NKAIN2: variants seen among roughly 807,000 people sequenced by gnomAD.
The protein encoded by NKAIN2 is sodium/potassium transporting ATPase interacting 2.
Under a neutral mutation model 32.6 loss-of-function variants are expected in NKAIN2, and 14 were observed. The ratio of observed to expected loss-of-function variants is 0.43; its 90% CI spans 0.28 to 0.67. The LOEUF (loss-of-function observed/expected upper bound fraction) is 0.67. Among genes scored for constraint, NKAIN2 ranks in the 30% least tolerant of loss-of-function variants. The pLI, the probability that NKAIN2 is intolerant of heterozygous loss-of-function variation, is 0.17. For missense variants in NKAIN2, 198 were observed against 258.3 expected (o/e 0.77, Z 1.60); for synonymous variants, 80 against 87.2 (o/e 0.92, Z 0.46).
intron 1 of NKAIN2, among the ~76,000 whole-genome samples, chr6:123,901,041 T>C: frequency 6.6e-6 from 1 of 152,188 alleles, no homozygotes; most frequent in East Asian, 1.9e-4. Context: ...CTCTGACCCA[T>C]GTCTTTAGCC....
In NKAIN2 at chr6:124,148,860, A is replaced by C. The variant is rs146591262; in HGVS notation, c.55-134145A>C. Among the ~76,000 whole-genome samples the C allele has an allele frequency of 1.8e-4, 28 of 152,320 alleles. No homozygotes were observed. In the East Asian group the frequency reaches 5.2e-3, roughly 28 times the overall value. ...GAGATTGCTATGGCAACTGTGTTTA[A>C]CAATTTGAGAAGCTGCTAAGCTGTT... On this transcript the variant is annotated intron_variant, in intron 1 of 6. Coordinates refer to ENST00000368417, the MANE Select transcript of NKAIN2 (RefSeq NM_001040214.3).
In NKAIN2 at chr6:124,658,357, G is replaced by T; in HGVS notation, c.445G>T (p.Ala149Ser). 1 of 1,614,102 alleles carries T rather than the reference G, an allele frequency of 6.2e-7. No homozygotes were observed. The highest frequency in any genetic ancestry group is 8.5e-7 in the Non-Finnish European group (1 of 1,179,996). Residue 149 changes from alanine (A) to serine (S), a missense_variant, in exon 4 of 7, where the codon GCT (alanine) becomes TCT (serine). Ala to Ser is a moderately conservative substitution (Grantham distance 99, BLOSUM62 1). Coordinates refer to ENST00000368417, the MANE Select transcript of NKAIN2 (RefSeq NM_001040214.3). ...CLLEYQYIEV[A>S]HSSLQIVLAL... ...GCTGGAGTACCAGTACATAGAAGTG[G>T]CTCATAGTTCCCTCCAGATTGTCCT...
chr6:123,900,531 A>ATTTTTTTTTT (rs1774515956), intron 1 of NKAIN2, among the ~76,000 whole-genome samples: 1 of 23,850 alleles, frequency 4.2e-5, no homozygotes, highest in African/African-American at 7.5e-5. Flanking sequence ...TCTCCAGATT[A>ATTTTTTTTTT]GTTTTTTTTT....
At chr6:124,195,167 A>G (rs1323263054) in intron 1 of NKAIN2, among the ~76,000 whole-genome samples, 1 of 151,810 alleles carries the variant, frequency 6.6e-6, no homozygotes, top group Non-Finnish European at 1.5e-5. Flanking sequence ...TTTATTGTCA[A>G]GGAAGTTTTT....
At chr6:124,505,656 C>T (rs919400610) in intron 3 of NKAIN2, among the ~76,000 whole-genome samples, 6 of 152,144 alleles carry the variant, frequency 3.9e-5, no homozygotes, top group Non-Finnish European at 8.8e-5. Context: ...AATCACAATA[C>T]TGCATCTATC....
At chr6:124,531,195 A>G (rs1021589868) in intron 3 of NKAIN2, among the ~76,000 whole-genome samples, 1 of 152,184 alleles carries the variant, frequency 6.6e-6, no homozygotes, top group African/African-American at 2.4e-5. Context: ...AGTCTCTAGA[A>G]CTGTGAGAAA....
At chr6:124,672,884 G>C (rs997693635) in intron 4 of NKAIN2, among the ~76,000 whole-genome samples, 6 of 151,972 alleles carry the variant, frequency 3.9e-5, no homozygotes, top group African/African-American at 7.2e-5. Flanking sequence ...ATTTTTAATT[G>C]TTGTAAAAAA....
At chr6:124,434,551 A>G (rs1415182334) in intron 3 of NKAIN2, among the ~76,000 whole-genome samples, 5 of 152,146 alleles carry the variant, frequency 3.3e-5, no homozygotes, top group Non-Finnish European at 7.4e-5. Flanking sequence ...CATGTGGGAA[A>G]TCTGGGCCAT....
chr6:124,384,631 G>GT lies in NKAIN2; in HGVS notation c.273+29291dup, dbSNP rs201181397. ...AGTTTGACTCTCTTGCACACTTTCT[G>GT]TTTTTTTGAGACAGGGTCTTTATTT... On this transcript the variant is annotated intron_variant, in intron 3 of 6. Coordinates refer to ENST00000368417, the MANE Select transcript of NKAIN2 (RefSeq NM_001040214.3). 3.9e-5 allele frequency among the ~76,000 whole-genome samples: 6 copies of GT among 152,018 alleles called. No homozygotes were observed. The East Asian group carries it at 5.8e-4, about 15-fold the overall frequency.
At chr6:123,934,995 A>G (rs1287107594) in intron 1 of NKAIN2, among the ~76,000 whole-genome samples, 1 of 149,634 alleles carries the variant, frequency 6.7e-6, no homozygotes, top group Non-Finnish European at 1.5e-5. Flanking sequence ...TAACTTTATC[A>G]GACTGACATC....
At chr6:124,625,646 T>A (rs532038145) in intron 3 of NKAIN2, among the ~76,000 whole-genome samples, 1 of 152,248 alleles carries the variant, frequency 6.6e-6, no homozygotes, top group East Asian at 1.9e-4. Context: ...AAAAAGTTAT[T>A]ATGAAAGGAG....
At chr6:124,815,730 T>G (rs1306925667) in intron 5 of NKAIN2, among the ~76,000 whole-genome samples, 1 of 152,132 alleles carries the variant, frequency 6.6e-6, no homozygotes, top group African/African-American at 2.4e-5. Context: ...TCCTGTAAAA[T>G]ACTTGCTATA....
intron 3 of NKAIN2, among the ~76,000 whole-genome samples, chr6:124,450,384 A>T (rs1054372902): frequency 1.3e-5 from 2 of 152,030 alleles, no homozygotes; most frequent in Admixed American, 1.3e-4. Context: ...AGTTTTGCTT[A>T]TTTTAATCTG....
chr6:124,596,622 T>C (rs1414689705), intron 3 of NKAIN2, among the ~76,000 whole-genome samples: 1 of 151,876 alleles, frequency 6.6e-6, no homozygotes, highest in Non-Finnish European at 1.5e-5. Context: ...CCATCTGTAT[T>C]ATTCAGGATT....
chr6:123,912,325 A>G (rs998920563), intron 1 of NKAIN2, among the ~76,000 whole-genome samples: 1 of 151,986 alleles, frequency 6.6e-6, no homozygotes, highest in East Asian at 1.9e-4. Context: ...ATATATTTAC[A>G]TATTTTGTAA....
intron 1 of NKAIN2, among the ~76,000 whole-genome samples, chr6:124,250,954 G>A (rs985047355): frequency 3.3e-5 from 5 of 151,914 alleles, no homozygotes; most frequent in African/African-American, 1.2e-4. Flanking sequence ...TTATTTAAAT[G>A]ATGGCAAATA....
chr6:124,210,629 A>C (rs2114658386), intron 1 of NKAIN2, among the ~76,000 whole-genome samples: 1 of 151,914 alleles, frequency 6.6e-6, no homozygotes, highest in Non-Finnish European at 1.5e-5. Context: ...TTTTCATTAT[A>C]GGCATCTTTT....
chr6:123,843,474 G>A (rs1774963837), intron 1 of NKAIN2, among the ~76,000 whole-genome samples: 1 of 152,102 alleles, frequency 6.6e-6, no homozygotes, highest in Admixed American at 6.5e-5. Flanking sequence ...CCCTTTGCCA[G>A]GGGAGCTTGG....
At chr6:124,528,089 C>T (rs1779386730) in intron 3 of NKAIN2, among the ~76,000 whole-genome samples, 1 of 152,102 alleles carries the variant, frequency 6.6e-6, no homozygotes, top group African/African-American at 2.4e-5. Flanking sequence ...GGAAGATCAG[C>T]AGCAATGTGA....
Sources: allele counts gnomAD v4.1 joint callset (sites outside exome capture counted in the v4.1 genomes callset), GRCh38; gene constraint gnomAD v4.1.1; transcripts MANE v1.5; gene names NCBI Gene and HGNC (gene_info 2026-07-23, HGNC 2026-07-21).